Variants in AGK observed in about 807,000 individuals in gnomAD.
AGK encodes acylglycerol kinase, also known as acylglycerol kinase, mitochondrial.
AGK carries 52 observed loss-of-function variants against 66.4 expected under a neutral mutation model. That is an observed-to-expected ratio of 0.78 (90% CI 0.63 to 0.99). The LOEUF (loss-of-function observed/expected upper bound fraction) is 0.99. Ranked by LOEUF, AGK falls within the 50% of genes least tolerant of loss-of-function variation. The pLI, the probability that AGK is intolerant of heterozygous loss-of-function variation, is 0.00. For synonymous variants in AGK, 182 were observed against 181.1 expected (o/e 1.00, Z -0.04); for missense variants, 451 against 506.6 (o/e 0.89, Z 1.05).
chr7:141,570,657 TTAAAG>T (rs1176541632), intron 2 of AGK, among the ~76,000 whole-genome samples: 1 of 151,810 alleles, frequency 6.6e-6, no homozygotes, highest in Non-Finnish European at 1.5e-5. Context: ...CTGGAGTAGT[TTAAAG>T]TAAACCCAGA....
intron 2 of AGK, among the ~76,000 whole-genome samples, chr7:141,572,478 C>T (rs1326588948): frequency 6.6e-6 from 1 of 152,222 alleles, no homozygotes; most frequent in African/African-American, 2.4e-5. Flanking sequence ...CCACCTGAAC[C>T]TCTGAGCCTC....
chr7:141,622,217 A>G (rs888917603), intron 9 of AGK, among the ~76,000 whole-genome samples: 4 of 152,116 alleles, frequency 2.6e-5, no homozygotes, highest in Admixed American at 2.0e-4. Context: ...CAGCCTCCCA[A>G]GTAGCTGAAA....
rs58292692 is a variant in AGK, at chr7:141,575,654, CTTTTTTTTT to C, written c.102-17471_102-17463del. ...GGGCTTAGATGCCTTTTACAAAGGC[CTTTTTTTTT>C]TTTTTTTTTTTTTTTTTTTTGGGCC... On this transcript the variant is annotated intron_variant, in intron 2 of 15. Transcript: ENST00000649286. Among the ~76,000 whole-genome samples the C allele has an allele frequency of 8.6e-5, 5 of 58,250 alleles. No homozygotes were observed. In the Admixed American group the frequency reaches 1.0e-3, roughly 12 times the overall value. 38.2% of individuals were successfully genotyped at this position (58,250 alleles called of 152,430 possible).
chr7:141,565,379 G>A (rs1307919920), intron 2 of AGK, among the ~76,000 whole-genome samples: 1 of 152,084 alleles, frequency 6.6e-6, no homozygotes, highest in Admixed American at 6.6e-5. Context: ...GGCTAGGCTT[G>A]GTGGCTCACA....
intron 5 of AGK, among the ~76,000 whole-genome samples, chr7:141,609,276 A>G (rs897905391): frequency 6.6e-5 from 10 of 152,166 alleles, no homozygotes; most frequent in Non-Finnish European, 1.3e-4. Flanking sequence ...CCAAGGGGTT[A>G]AGGGCTGAGT....
At chr7:141,554,597 T>TACAGCACTGCTGTA (rs1458373556) in intron 1 of AGK, among the ~76,000 whole-genome samples, 3 of 152,226 alleles carry the variant, frequency 2.0e-5, no homozygotes, top group Non-Finnish European at 4.4e-5. Context: ...ACTTTAGGCA[T>TACAGCACTGCTGTA]GGGATACAGC....
At chr7:141,630,874 T>C (rs1797041935) in intron 9 of AGK, among the ~76,000 whole-genome samples, 1 of 152,146 alleles carries the variant, frequency 6.6e-6, no homozygotes, top group South Asian at 2.1e-4. Context: ...AGACTAGACG[T>C]TTAGCTTGGA....
intron 9 of AGK, among the ~76,000 whole-genome samples, chr7:141,633,683 T>C (rs1797108639): frequency 6.6e-6 from 1 of 152,218 alleles, no homozygotes; most frequent in African/African-American, 2.4e-5. Flanking sequence ...AGCAGATTCA[T>C]GAAACCTGAT....
chr7:141,590,362 G>A (rs1275602392), intron 2 of AGK, among the ~76,000 whole-genome samples: 1 of 152,188 alleles, frequency 6.6e-6, no homozygotes, highest in Non-Finnish European at 1.5e-5. Context: ...TAGAGGGCTT[G>A]TGCAGAAAAA....
intron 8 of AGK, among the ~76,000 whole-genome samples, chr7:141,619,673 G>GA (rs923949363): frequency 1.4e-3 from 187 of 132,150 alleles, no homozygotes; most frequent in African/African-American, 3.1e-3. Flanking sequence ...GCATAAACAA[G>GA]AAAAAAAAAA....
rs145434773 is a variant in AGK, at chr7:141,609,787, A to G, written c.298-1408A>G. ...ACCAGCTCCCATCTTGAAGCTATTCAGGGGCCCACCAATCACCTCATTAGC... is the reference window on the plus strand; with the variant it reads ...ACCAGCTCCCATCTTGAAGCTATTCGGGGGCCCACCAATCACCTCATTAGC... On this transcript the variant is annotated intron_variant, in intron 5 of 15. Coordinates refer to ENST00000649286, the MANE Select transcript of AGK (RefSeq NM_018238.4). Among the ~76,000 whole-genome samples, 634 of 152,308 alleles carry G rather than the reference A, an allele frequency of 4.2e-3. 3 individuals carry two copies. The highest frequency in any genetic ancestry group is 0.015 in the African/African-American group (606 of 41,578).
chr7:141,565,438 G>A (rs915688302), intron 2 of AGK, among the ~76,000 whole-genome samples: 3 of 152,086 alleles, frequency 2.0e-5, no homozygotes, highest in African/African-American at 7.2e-5. Context: ...ATCAACTAAG[G>A]TCAGGAGTTC....
intron 13 of AGK, 107 bp downstream of exon 13, chr7:141,642,015 TAG>T (rs745693210): frequency 8.1e-6 from 8 of 991,072 alleles, no homozygotes; most frequent in Admixed American, 2.1e-5. Flanking sequence ...CCTGTGGAGA[TAG>T]AGAGGGCAGT....
chr7:141,554,840 T>G (rs1204035506), intron 1 of AGK, among the ~76,000 whole-genome samples: 1 of 152,198 alleles, frequency 6.6e-6, no homozygotes, highest in Non-Finnish European at 1.5e-5. Flanking sequence ...ATTTAAAAAT[T>G]TATTTTGGTC....
In AGK at chr7:141,562,150, C is replaced by T. The variant is rs574067478; in HGVS notation, c.101+6583C>T. ...CTTTCTTGAATGCTGGTTATGCAAGCGGTGAAGTTGTCACATGGATAGACT... is the reference window on the plus strand; with the variant it reads ...CTTTCTTGAATGCTGGTTATGCAAGTGGTGAAGTTGTCACATGGATAGACT... On this transcript the variant is annotated intron_variant, in intron 2 of 15. Coordinates refer to ENST00000649286, the MANE Select transcript of AGK (RefSeq NM_018238.4). 309 of 454,834 alleles carry T rather than the reference C, an allele frequency of 6.8e-4. 1 individual carries two copies. The highest frequency in any genetic ancestry group is 4.4e-3 in the South Asian group (286 of 64,484). 28.2% of individuals were successfully genotyped at this position (454,834 alleles called of 1,614,324 possible). A position where few individuals can be genotyped will look rare whatever the true frequency, so the allele number is the denominator to read the frequency against.
intron 2 of AGK, among the ~76,000 whole-genome samples, chr7:141,582,449 G>A (rs999387090): frequency 1.3e-5 from 2 of 152,070 alleles, no homozygotes; most frequent in South Asian, 4.2e-4. Flanking sequence ...AAGTTCTATT[G>A]TGGGGTTTGA....
chr7:141,570,176 A>C (rs1795568346), intron 2 of AGK, among the ~76,000 whole-genome samples: 1 of 152,112 alleles, frequency 6.6e-6, no homozygotes, highest in Non-Finnish European at 1.5e-5. Context: ...TCACGAGGTC[A>C]GGAGTTTGAG....
At position 141,649,271 on chromosome 7, in the gene AGK, A is replaced by G; in HGVS notation, c.984A>G (p.Glu328=). The change falls in exon 14 of 16, where the codon GAA becomes GAG. Residue 328 remains glutamate (E), a synonymous_variant. Transcript: ENST00000649286. ...RNNQLDPTSK[E]DFLNICIEPD... Reference sequence around the variant, plus strand: ...GTTCTTAACCTTTTTAGAGCAAAGAAGATTTTCTGAATATCTGCATTGAAC... The same window carrying G: ...GTTCTTAACCTTTTTAGAGCAAAGAGGATTTTCTGAATATCTGCATTGAAC... 6.2e-7 allele frequency: 1 copy of G among 1,613,446 alleles called. No homozygotes were observed. Among genetic ancestry groups the G allele is most frequent in the Non-Finnish European group, 8.5e-7 (1 of 1,179,434 alleles).
At chr7:141,617,162 C>T (rs955886118) in intron 8 of AGK, among the ~76,000 whole-genome samples, 2 of 152,046 alleles carry the variant, frequency 1.3e-5, no homozygotes, top group African/African-American at 4.8e-5. Flanking sequence ...TTGTCTTCTC[C>T]TTGTGTCAGT....
Sources: allele counts gnomAD v4.1 joint callset (sites outside exome capture counted in the v4.1 genomes callset), GRCh38; gene constraint gnomAD v4.1.1; transcripts MANE v1.5; gene names NCBI Gene and HGNC (gene_info 2026-07-23, HGNC 2026-07-21).